ASB8: variants seen among roughly 807,000 people sequenced by gnomAD.
ASB8 encodes ankyrin repeat and SOCS box protein 8.
ASB8 carries 15 observed loss-of-function variants against 22.9 expected under a neutral mutation model. That is an observed-to-expected ratio of 0.66 (90% CI 0.44 to 1.01). The LOEUF (loss-of-function observed/expected upper bound fraction) is 1.01, where lower values mean the gene tolerates loss of function less well. Ranked by LOEUF, ASB8 falls within the 50% of genes least tolerant of loss-of-function variation. ASB8 has a pLI of 0.00. For synonymous variants in ASB8, 124 were observed against 140.8 expected, an observed-to-expected ratio of 0.88 and a Z score of 0.84; for missense variants, 294 against 356.9, an observed-to-expected ratio of 0.82 and a Z score of 1.42.
chr12:48,156,422 A>G (rs903099052), intron 1 of ASB8, among the ~76,000 whole-genome samples: 2 of 152,010 alleles, frequency 1.3e-5, no homozygotes, highest in Non-Finnish European at 2.9e-5. Flanking sequence ...AGTGCATTTG[A>G]GTTGGTAATT....
At chr12:48,157,003 AAAGC>A (rs1951316711) in intron 1 of ASB8, 2 of 151,718 alleles carry the variant, frequency 1.3e-5, no homozygotes, top group Non-Finnish European at 2.9e-5. Context: ...AAAAAAAAAA[AAAGC>A]AAACTGGAAA....
intron 1 of ASB8, among the ~76,000 whole-genome samples, chr12:48,156,354 G>A (rs576518021): frequency 2.0e-5 from 3 of 152,216 alleles, no homozygotes; most frequent in Admixed American, 6.5e-5. Context: ...CCACTAAACT[G>A]CTCTGAGACA....
Position 48,154,531 on chromosome 12 carries a change from G to GT in ASB8, c.-33-1003dup, listed in dbSNP as rs1251019661. ...TATTTGAGGTAGTATTCTAAAATAG[G>GT]TAAGGAAAGCAAAAGTATAACTACC... On this transcript the variant is annotated intron_variant, in intron 1 of 3. Coordinates refer to ENST00000317697, the MANE Select transcript of ASB8 (RefSeq NM_024095.5). 6.0e-5 allele frequency among the ~76,000 whole-genome samples: 9 copies of GT among 150,454 alleles called. No homozygotes were observed. In the South Asian group the frequency reaches 8.5e-4, roughly 14 times the overall value.
In ASB8 at chr12:48,149,790, T is replaced by TG. The variant is rs1951166542; in HGVS notation, c.442_443insC (p.Asp148AlafsTer5). 4.5e-5 allele frequency: 72 copies of TG among 1,613,968 alleles called. No individual in the cohort carries two copies. The highest frequency in any genetic ancestry group is 6.0e-5 in the Non-Finnish European group (71 of 1,179,972). ...GCTGAGCGGTGTATCATTGTTGTAA[T>TG]CCAGGGCATTGACAGAGGCCCCGCT... On this transcript the variant is annotated frameshift_variant, in exon 4 of 4. Coordinates refer to ENST00000317697, the MANE Select transcript of ASB8 (RefSeq NM_024095.5). LOFTEE classifies it high-confidence loss of function.
Position 48,148,672 on chromosome 12 carries a change from T to TTG in ASB8, c.*693_*694insCA, listed in dbSNP as rs1951141855. The TTG allele has an allele frequency of 2.0e-5, 3 of 147,336 alleles. No individual in the cohort carries two copies. The highest frequency in any genetic ancestry group is 7.5e-5 in the African/African-American group (3 of 39,866). 9.1% of individuals were successfully genotyped at this position (147,336 alleles called of 1,614,324 possible). A position where few individuals can be genotyped will look rare whatever the true frequency, so the allele number is the denominator to read the frequency against. ...CAATTAAAATGGTTTTTTTTTTTTT[T>TTG]TTTTTTTTTTGAGACAGTTTTGCTC... On this transcript the variant is annotated 3_prime_UTR_variant, in exon 4 of 4. Coordinates refer to ENST00000317697, the MANE Select transcript of ASB8 (RefSeq NM_024095.5).
chr12:48,153,794 C>T (rs994343413), intron 1 of ASB8: 7 of 218,134 alleles, frequency 3.2e-5, no homozygotes, highest in South Asian at 9.1e-5. Flanking sequence ...GGTTTACAAA[C>T]GACTAGGCAA....
At chr12:48,155,282 A>G (rs933563153) in intron 1 of ASB8, among the ~76,000 whole-genome samples, 7 of 152,156 alleles carry the variant, frequency 4.6e-5, no homozygotes, top group Non-Finnish European at 7.3e-5. Context: ...AACGATACTG[A>G]TTTTTTCAAT....
chr12:48,151,567 G>A (rs1486964628), intron 2 of ASB8: 1 of 1,476,458 alleles, frequency 6.8e-7, no homozygotes, highest in Non-Finnish European at 9.0e-7. Flanking sequence ...ATGGTCACCT[G>A]GACATCACTG....
chr12:48,147,977 A>T lies in ASB8; in HGVS notation c.*1389T>A, dbSNP rs1407747628. The T allele has an allele frequency of 6.6e-6, 1 of 152,208 alleles. No homozygotes were observed. The highest frequency in any genetic ancestry group is 6.5e-5 in the Admixed American group (1 of 15,278). 9.4% of individuals were successfully genotyped at this position (152,208 alleles called of 1,614,324 possible). A position where few individuals can be genotyped will look rare whatever the true frequency, so the allele number is the denominator to read the frequency against. On this transcript the variant is annotated 3_prime_UTR_variant, in exon 4 of 4. Transcript: ENST00000317697. The stretch of plus-strand genomic sequence containing the variant: ...GCATACAAGTCATCTAAAATCAATA[A>T]CAACTTGATCTAATTTAGAAAAATG...
At chr12:48,151,715 G>T in intron 2 of ASB8, 1 of 1,081,120 alleles carries the variant, frequency 9.2e-7, no homozygotes, top group Non-Finnish European at 1.3e-6. Context: ...GAAATGGCAT[G>T]CTCTTTTGTC....
chr12:48,153,448 A>G lies in ASB8; in HGVS notation c.49T>C (p.Ser17Pro), dbSNP rs1297544789. ...YIMQSIQSKY[S>P]LSERLIRTIA... ...GTTCGGATTAAGCGCTCGGAGAGAG[A>G]GTATTTGCTCTGAATGCTCTGCATA... Residue 17 changes from serine (S) to proline (P), a missense_variant, in exon 2 of 4, where the codon TCT (serine) becomes CCT (proline). Transcript: ENST00000317697. The G allele has an allele frequency of 6.2e-7, 1 of 1,613,682 alleles. No homozygotes were observed. The highest frequency in any genetic ancestry group is 1.1e-5 in the South Asian group (1 of 91,080).
chr12:48,151,836 C>T (rs1951208540), intron 2 of ASB8, among the ~76,000 whole-genome samples: 1 of 152,186 alleles, frequency 6.6e-6, no homozygotes, highest in Non-Finnish European at 1.5e-5. Flanking sequence ...ACCATCTAGC[C>T]TTTGCTGGTG....
chr12:48,153,418 C>T lies in ASB8; in HGVS notation c.79G>A (p.Ala27Thr). Residue 27 changes from alanine (A) to threonine (T), a missense_variant, in exon 2 of 4, where the codon GCT (alanine) becomes ACT (threonine). Transcript: ENST00000317697. Reference sequence around the variant, plus strand: ...TCATGTGGGAAGGAACGGATGGCAGCAATTGTTCGGATTAAGCGCTCGGAG... The same window carrying T: ...TCATGTGGGAAGGAACGGATGGCAGTAATTGTTCGGATTAAGCGCTCGGAG... ...SLSERLIRTI[A>T]AIRSFPHDNV... The T allele has an allele frequency of 2.5e-6, 4 of 1,613,970 alleles. No homozygotes were observed. The highest frequency in any genetic ancestry group is 3.4e-6 in the Non-Finnish European group (4 of 1,179,846).
At chr12:48,155,615 A>G (rs1190909557) in intron 1 of ASB8, among the ~76,000 whole-genome samples, 1 of 151,128 alleles carries the variant, frequency 6.6e-6, no homozygotes, top group East Asian at 2.0e-4. Flanking sequence ...TGGTAGTCCC[A>G]GCCACTTGGG....
At position 48,148,658 on chromosome 12, in the gene ASB8, G is replaced by GTTTTTTTTTTTTTT. The variant is rs34031535; in HGVS notation, c.*694_*707dup. The stretch of plus-strand genomic sequence containing the variant: ...GTTTTTTCACAGATCAATTAAAATG[G>GTTTTTTTTTTTTTT]TTTTTTTTTTTTTTTTTTTTTTTTG... On this transcript the variant is annotated 3_prime_UTR_variant, in exon 4 of 4. Coordinates refer to ENST00000317697, the MANE Select transcript of ASB8 (RefSeq NM_024095.5). The GTTTTTTTTTTTTTT allele has an allele frequency of 1.3e-4, 8 of 62,802 alleles. 1 individual carries two copies. Among genetic ancestry groups the GTTTTTTTTTTTTTT allele is most frequent in the East Asian group, 4.9e-4 (1 of 2,048 alleles). 3.9% of individuals were successfully genotyped at this position (62,802 alleles called of 1,614,324 possible).
chr12:48,152,499 C>T (rs1951219860), intron 2 of ASB8, among the ~76,000 whole-genome samples: 1 of 152,156 alleles, frequency 6.6e-6, no homozygotes, highest in Non-Finnish European at 1.5e-5. Flanking sequence ...GGATACTAGT[C>T]ACATAACAAT....
Position 48,149,873 on chromosome 12 carries a change from G to A in ASB8, c.360C>T (p.Thr120=), listed in dbSNP as rs767907656. ...NPNALDGNRD[T]PLHWAAFKNN... ...TCTTAAAGGCTGCCCAGTGAAGTGGGGTATCTCTGTTGCCATCCAAAGCAT... is the reference window on the plus strand; with the variant it reads ...TCTTAAAGGCTGCCCAGTGAAGTGGAGTATCTCTGTTGCCATCCAAAGCAT... Residue 120 remains threonine, a synonymous_variant, in exon 4 of 4, where the codon ACC becomes ACT. Transcript: ENST00000317697. 6.2e-7 allele frequency: 1 copy of A among 1,614,142 alleles called. No homozygotes were observed. The highest frequency in any genetic ancestry group is 1.7e-5 in the Admixed American group (1 of 60,004).
chr12:48,152,623 A>T (rs1951221692), intron 2 of ASB8, among the ~76,000 whole-genome samples: 1 of 152,198 alleles, frequency 6.6e-6, no homozygotes, highest in South Asian at 2.1e-4. Flanking sequence ...AGCTGCTTTT[A>T]ACATAGAATG....
rs1316267876 is a variant in ASB8 at position 48,148,672 on chromosome 12, T to G, written c.*694A>C. 1 of 147,336 alleles carries G rather than the reference T, an allele frequency of 6.8e-6. No homozygotes were observed. The highest frequency in any genetic ancestry group is 2.5e-5 in the African/African-American group (1 of 39,866). The allele number at this position is 147,336 out of a possible 1,614,324, so 9.1% of individuals were successfully genotyped here. On this transcript the variant is annotated 3_prime_UTR_variant, in exon 4 of 4. Coordinates refer to ENST00000317697, the MANE Select transcript of ASB8 (RefSeq NM_024095.5). ...CAATTAAAATGGTTTTTTTTTTTTT[T>G]TTTTTTTTTTGAGACAGTTTTGCTC...
Sources: allele counts gnomAD v4.1 joint callset (sites outside exome capture counted in the v4.1 genomes callset), GRCh38; gene constraint gnomAD v4.1.1; transcripts MANE v1.5; gene names NCBI Gene and HGNC (gene_info 2026-07-23, HGNC 2026-07-21).